The following TLN2 variants were observed in gnomAD, a reference collection of about 807,000 sequenced individuals.
TLN2 encodes the protein talin-2.
Under a neutral mutation model 294.7 loss-of-function variants are expected in TLN2, and 118 were observed. The observed-to-expected ratio is 0.40, with a 90% CI of 0.34 to 0.47. TLN2 has a LOEUF of 0.47. Among genes scored for constraint, TLN2 ranks in the 20% least tolerant of loss-of-function variants. The pLI is 0.84. For missense variants in TLN2, 3,083 were observed against 3,282.2 expected, an observed-to-expected ratio of 0.94 and a Z score of 1.48; for synonymous variants, 1,431 against 1,304.5, an observed-to-expected ratio of 1.10 and a Z score of -2.09.
chr15:62,673,416 C>T (rs1170706269), intron 9 of TLN2, among the ~76,000 whole-genome samples: 2 of 140,746 alleles, frequency 1.4e-5, no homozygotes, highest in South Asian at 2.3e-4. Context: ...CCTTGTTTTT[C>T]GCCTCTTCCA....
chr15:62,716,967 G>A (rs1190422091), intron 23 of TLN2, among the ~76,000 whole-genome samples: 4 of 151,038 alleles, frequency 2.6e-5, no homozygotes, highest in Admixed American at 2.0e-4. Context: ...AAGTTTGTCT[G>A]ACAAATGCAC....
At chr15:62,500,202 G>A (rs895139322) in intron 1 of TLN2, among the ~76,000 whole-genome samples, 2 of 152,058 alleles carry the variant, frequency 1.3e-5, no homozygotes, top group African/African-American at 2.4e-5. Context: ...GACAGGTGTG[G>A]TGGCGCATGC....
intron 2 of TLN2, among the ~76,000 whole-genome samples, chr15:62,601,785 A>G (rs1375691492): frequency 1.3e-5 from 2 of 152,176 alleles, no homozygotes; most frequent in Non-Finnish European, 2.9e-5. Flanking sequence ...TTTTATTTTC[A>G]AGGCAGCAGC....
intron 32 of TLN2, among the ~76,000 whole-genome samples, chr15:62,741,744 T>TGC (rs759339683): frequency 2.4e-4 from 3 of 12,726 alleles, no homozygotes; most frequent in Admixed American, 1.2e-3. Flanking sequence ...TTTTAAAATT[T>TGC]GCGCGTGTGT....
chr15:62,641,556 G>C (rs994479957), intron 3 of TLN2, among the ~76,000 whole-genome samples: 2 of 152,140 alleles, frequency 1.3e-5, no homozygotes, highest in Non-Finnish European at 2.9e-5. Flanking sequence ...TCGGGAGGCA[G>C]AGGTTGCAGT....
At chr15:62,824,726 A>C (rs1596135516) in intron 54 of TLN2, among the ~76,000 whole-genome samples, 1 of 152,222 alleles carries the variant, frequency 6.6e-6, no homozygotes, top group Non-Finnish European at 1.5e-5. Flanking sequence ...CTGTGGCAGG[A>C]AGTTTGGGAT....
chr15:62,679,439 GGAAT>G (rs113154803), intron 11 of TLN2, among the ~76,000 whole-genome samples: 69,684 of 151,738 alleles, frequency 0.46, 18,264 homozygotes, highest in Middle Eastern at 0.62. Context: ...GCCATAAAAA[GGAAT>G]GAAGTACCGA....
intron 1 of TLN2, among the ~76,000 whole-genome samples, chr15:62,519,749 G>T (rs1329793836): frequency 6.6e-6 from 1 of 152,214 alleles, no homozygotes; most frequent in Non-Finnish European, 1.5e-5. Flanking sequence ...ACAGTTTTCA[G>T]TGAAAGACAT....
At chr15:62,569,881 G>T (rs1328507328) in intron 1 of TLN2, among the ~76,000 whole-genome samples, 1 of 152,216 alleles carries the variant, frequency 6.6e-6, no homozygotes, top group African/African-American at 2.4e-5. Context: ...ATATTTCAGG[G>T]TTAATAATCA....
At chr15:62,699,043 A>G (rs1004045638) in intron 16 of TLN2, among the ~76,000 whole-genome samples, 176 bp downstream of exon 16, 1 of 152,200 alleles carries the variant, frequency 6.6e-6, no homozygotes, top group African/African-American at 2.4e-5. Flanking sequence ...GGAGAGAATC[A>G]TAGGGTACTG....
intron 1 of TLN2, among the ~76,000 whole-genome samples, chr15:62,459,299 C>CTTTT (rs35344244): frequency 1.5e-5 from 2 of 130,550 alleles, no homozygotes; most frequent in African/African-American, 5.8e-5. Context: ...CACGCTCGGC[C>CTTTT]TTTTTTTTTT....
chr15:62,746,654 T>C (rs1403645288), intron 32 of TLN2, among the ~76,000 whole-genome samples: 1 of 152,230 alleles, frequency 6.6e-6, no homozygotes, highest in Non-Finnish European at 1.5e-5. Flanking sequence ...ATTTAACTAA[T>C]AAAATGAGGC....
chr15:62,819,837 A>G (rs1211693072), intron 53 of TLN2, among the ~76,000 whole-genome samples: 1 of 152,226 alleles, frequency 6.6e-6, no homozygotes, highest in Non-Finnish European at 1.5e-5. Flanking sequence ...CTTTGTATTA[A>G]GTGCTTCTAC....
chr15:62,813,781 T>G (rs971401448), intron 52 of TLN2, among the ~76,000 whole-genome samples: 3 of 151,980 alleles, frequency 2.0e-5, no homozygotes, highest in Admixed American at 6.6e-5. Context: ...ATAGTTCTAG[T>G]GCTGGCAGTT....
At chr15:62,486,614 G>T (rs2038417370) in intron 1 of TLN2, among the ~76,000 whole-genome samples, 1 of 151,870 alleles carries the variant, frequency 6.6e-6, no homozygotes, top group African/African-American at 2.4e-5. Context: ...ATTATGGTTT[G>T]CATCCTTCTC....
chr15:62,703,380 G>A (rs1369265714), intron 19 of TLN2, among the ~76,000 whole-genome samples: 2 of 152,030 alleles, frequency 1.3e-5, no homozygotes, highest in African/African-American at 2.4e-5. Context: ...GATTACAGGC[G>A]TGAGCCACCG....
Position 62,784,053 on chromosome 15 carries a change from C to T in TLN2, c.5736+163C>T, listed in dbSNP as rs1595981197. On this transcript the variant is annotated intron_variant, in intron 45 of 58. Coordinates refer to ENST00000636159, the MANE Select transcript of TLN2 (RefSeq NM_015059.3). ...ACAGCACAGGTCCAGACCAGGTAGC[C>T]CCAGGCTGTACTCAAGTCTCACTGC... The T allele has an allele frequency of 3.8e-5, 48 of 1,260,154 alleles. No homozygotes were observed. In the East Asian group the frequency reaches 1.2e-3, roughly 31 times the overall value. The allele number at this position is 1,260,154 out of a possible 1,614,324, so 78.1% of individuals were successfully genotyped here. A position where few individuals can be genotyped will look rare whatever the true frequency, so the allele number is the denominator to read the frequency against.
At chr15:62,487,101 A>G (rs142639557) in intron 1 of TLN2, among the ~76,000 whole-genome samples, 2 of 152,332 alleles carry the variant, frequency 1.3e-5, no homozygotes, top group East Asian at 1.9e-4. Context: ...AGATTAGGAC[A>G]TGGAAAAGTC....
chr15:62,794,316 G>T (rs2065303026), intron 46 of TLN2, among the ~76,000 whole-genome samples: 1 of 152,172 alleles, frequency 6.6e-6, no homozygotes, highest in Non-Finnish European at 1.5e-5. Flanking sequence ...TCTATGCCTT[G>T]TGTCTCGTTA....
Sources: allele counts gnomAD v4.1 joint callset (sites outside exome capture counted in the v4.1 genomes callset), GRCh38; gene constraint gnomAD v4.1.1; transcripts MANE v1.5; gene names NCBI Gene and HGNC (gene_info 2026-07-23, HGNC 2026-07-21).